Variants in GLIS3 observed in about 807,000 individuals in gnomAD.
The protein encoded by GLIS3 is zinc finger protein GLIS3.
Under a neutral mutation model 78.6 loss-of-function variants are expected in GLIS3, and 53 were observed. The ratio of observed to expected loss-of-function variants is 0.67; its 90% CI spans 0.54 to 0.85. The LOEUF is 0.85. Ranked by LOEUF, GLIS3 falls within the 40% of genes least tolerant of loss-of-function variation. The pLI, the probability that GLIS3 is intolerant of heterozygous loss-of-function variation, is 0.00. For synonymous variants in GLIS3, 684 were observed against 509.9 expected, an observed-to-expected ratio of 1.34 and a Z score of -4.60; for missense variants, 1,703 against 1,231.1, an observed-to-expected ratio of 1.38 and a Z score of -5.74.
chr9:4,057,861 G>T (rs1168823785), intron 4 of GLIS3, among the ~76,000 whole-genome samples: 3 of 152,108 alleles, frequency 2.0e-5, no homozygotes, highest in Non-Finnish European at 2.9e-5. Flanking sequence ...ATGGGCTTAT[G>T]CAAGATGTAC....
the GLIS3 span, among the ~76,000 whole-genome samples, chr9:4,417,304 T>G: frequency 6.6e-6 from 1 of 152,192 alleles, no homozygotes; most frequent in Non-Finnish European, 1.5e-5. Context: ...TGATATTATT[T>G]AACTAAAACA....
chr9:4,002,685 T>C (rs1025626110), intron 4 of GLIS3, among the ~76,000 whole-genome samples: 4 of 152,196 alleles, frequency 2.6e-5, no homozygotes, highest in African/African-American at 9.6e-5. Flanking sequence ...AGGCAAACAC[T>C]TTCCAATCCC....
At chr9:4,432,825 G>A in the GLIS3 span, among the ~76,000 whole-genome samples, 4 of 151,716 alleles carry the variant, frequency 2.6e-5, no homozygotes, top group Admixed American at 6.6e-5. Flanking sequence ...ATTTTTAGTA[G>A]AGATGCAGTT....
At chr9:4,193,684 G>A (rs944128584) in intron 2 of GLIS3, among the ~76,000 whole-genome samples, 2 of 152,202 alleles carry the variant, frequency 1.3e-5, no homozygotes, top group Non-Finnish European at 2.9e-5. Context: ...TAGGGAAGAT[G>A]GTGGTGTCCC....
chr9:4,138,694 G>GT (rs1437972185), intron 2 of GLIS3, among the ~76,000 whole-genome samples: 2 of 152,188 alleles, frequency 1.3e-5, no homozygotes, highest in African/African-American at 4.8e-5. Context: ...TAAGCTCTCT[G>GT]TGCCTCTATT....
At chr9:3,997,560 A>G (rs1225635772) in intron 4 of GLIS3, among the ~76,000 whole-genome samples, 2 of 152,036 alleles carry the variant, frequency 1.3e-5, no homozygotes, top group African/African-American at 2.4e-5. Context: ...CATTCAATAT[A>G]TATGTTAAAA....
At chr9:4,406,757 T>G in the GLIS3 span, among the ~76,000 whole-genome samples, 1 of 152,054 alleles carries the variant, frequency 6.6e-6, no homozygotes, top group Non-Finnish European at 1.5e-5. Flanking sequence ...AAAGATCTCT[T>G]CAATAAAAAC....
intron 4 of GLIS3, among the ~76,000 whole-genome samples, chr9:3,942,549 T>G (rs1816004411): frequency 6.6e-6 from 1 of 152,244 alleles, no homozygotes; most frequent in African/African-American, 2.4e-5. Context: ...GAAAGATTAC[T>G]TCTGTGACTC....
At chr9:4,335,452 C>T (rs1279927637) in intron 2 of GLIS3, among the ~76,000 whole-genome samples, 1 of 152,178 alleles carries the variant, frequency 6.6e-6, no homozygotes, top group African/African-American at 2.4e-5. Context: ...TAATGCTACT[C>T]CATAAAGGGC....
intron 9 of GLIS3, among the ~76,000 whole-genome samples, chr9:3,839,974 A>T (rs373946676): frequency 2.0e-5 from 3 of 152,142 alleles, no homozygotes; most frequent in African/African-American, 7.2e-5. Flanking sequence ...CCCCTCTTTT[A>T]TTTCCATCCA....
chr9:4,345,190 T>TA (rs1379365043), intron 2 of GLIS3, among the ~76,000 whole-genome samples: 1 of 152,194 alleles, frequency 6.6e-6, no homozygotes, highest in East Asian at 1.9e-4. Flanking sequence ...GCCCCTGCGT[T>TA]ACCTCTGTGA....
chr9:4,270,847 C>A (rs900625193), intron 2 of GLIS3, among the ~76,000 whole-genome samples: 3 of 151,868 alleles, frequency 2.0e-5, no homozygotes, highest in Non-Finnish European at 4.4e-5. Context: ...ACTGCATGAG[C>A]CAATTCCTCA....
At chr9:4,260,081 T>C (rs1170219307) in intron 2 of GLIS3, among the ~76,000 whole-genome samples, 1 of 152,192 alleles carries the variant, frequency 6.6e-6, no homozygotes, top group Non-Finnish European at 1.5e-5. Flanking sequence ...ACCTCTGATC[T>C]ACACACTTCA....
At chr9:4,001,094 G>GT (rs1381020459) in intron 4 of GLIS3, among the ~76,000 whole-genome samples, 3 of 152,182 alleles carry the variant, frequency 2.0e-5, no homozygotes, top group Non-Finnish European at 4.4e-5. Context: ...TTTACCACGA[G>GT]TAAGCCCTAC....
chr9:3,912,316 T>TA (rs2130688227), intron 6 of GLIS3, among the ~76,000 whole-genome samples: 1 of 152,328 alleles, frequency 6.6e-6, no homozygotes, highest in South Asian at 2.1e-4. Context: ...CTAATCAAGA[T>TA]ATGAGCACAG....
At chr9:4,418,873 G>C in the GLIS3 span, among the ~76,000 whole-genome samples, 11 of 152,306 alleles carry the variant, frequency 7.2e-5, no homozygotes, top group African/African-American at 2.4e-4. Context: ...ATGTGAGCCA[G>C]GACAGGGGAT....
chr9:4,234,030 G>A lies in GLIS3; in HGVS notation c.388+52008C>T, dbSNP rs552442535. Among the ~76,000 whole-genome samples, 6 of 152,262 alleles carry A rather than the reference G, an allele frequency of 3.9e-5. No individual in the cohort carries two copies. The East Asian group carries it at 7.7e-4, about 20-fold the overall frequency. On this transcript the variant is annotated intron_variant, in intron 2 of 10. Coordinates refer to ENST00000381971, the MANE Select transcript of GLIS3 (RefSeq NM_001042413.2). Reference sequence around the variant, plus strand: ...GTCTCTCAGCCTTTGTAACACTGAAGAGAGTTAGGGCTTAATCTGGATTAG... The same window carrying A: ...GTCTCTCAGCCTTTGTAACACTGAAAAGAGTTAGGGCTTAATCTGGATTAG...
In GLIS3 at chr9:4,283,269, G is replaced by GT. The variant is rs60941880; in HGVS notation, c.388+2768dup. Among the ~76,000 whole-genome samples the GT allele has an allele frequency of 1.1e-3, 150 of 134,954 alleles. 1 individual carries two copies. Among genetic ancestry groups the GT allele is most frequent in the Admixed American group, 2.1e-3 (29 of 13,626 alleles). 88.5% of individuals were successfully genotyped at this position (134,954 alleles called of 152,430 possible). On this transcript the variant is annotated intron_variant, in intron 2 of 10. Coordinates refer to ENST00000381971, the MANE Select transcript of GLIS3 (RefSeq NM_001042413.2). ...TACTGTGCTGTTTTTTTGTTTTTTT[G>GT]TTTTTTTTTTTTTTGAGATAGAGTC...
chr9:4,474,670 T>A, the GLIS3 span, among the ~76,000 whole-genome samples: 9 of 151,858 alleles, frequency 5.9e-5, no homozygotes, highest in South Asian at 1.7e-3. Context: ...TTTTTCTTTT[T>A]TTACTTTTAA....
Sources: gnomAD v4.1 joint callset for allele counts (sites outside exome capture counted in the v4.1 genomes callset) on GRCh38, gnomAD v4.1.1 for gene constraint, MANE v1.5 for transcripts, NCBI Gene and HGNC (gene_info 2026-07-23, HGNC 2026-07-21) for gene names.